The following ATP9A variants were observed in gnomAD, a reference collection of about 807,000 sequenced individuals.
ATP9A encodes the protein ATPase phospholipid transporting 9A.
In ATP9A, 52 loss-of-function variants were observed where a neutral mutation model predicts 144.1. That is an observed-to-expected ratio of 0.36 (90% CI 0.29 to 0.45). ATP9A has a LOEUF of 0.45. ATP9A is among the 20% of genes least tolerant of loss of function. The pLI, the probability that ATP9A is intolerant of heterozygous loss-of-function variation, is 1.00. For missense variants in ATP9A, 947 were observed against 1,392.7 expected, an observed-to-expected ratio of 0.68 and a Z score of 5.09; for synonymous variants, 582 against 557.4, an observed-to-expected ratio of 1.04 and a Z score of -0.62.
chr20:51,743,902 G>A (rs2077796199), intron 1 of ATP9A, among the ~76,000 whole-genome samples: 1 of 151,160 alleles, frequency 6.6e-6, no homozygotes, highest in Non-Finnish European at 1.5e-5. Context: ...AGCTACTCAG[G>A]AAGCTGAAAC....
intron 1 of ATP9A, among the ~76,000 whole-genome samples, chr20:51,741,288 T>G (rs1214533522): frequency 6.6e-6 from 1 of 152,100 alleles, no homozygotes; most frequent in Non-Finnish European, 1.5e-5. Context: ...CATTAGTAAG[T>G]GGAGCTCACA....
At chr20:51,732,599 G>A (rs1196014746) in intron 1 of ATP9A, 3 of 152,094 alleles carry the variant, frequency 2.0e-5, no homozygotes, top group Non-Finnish European at 4.4e-5. Context: ...CAGCATTCAT[G>A]GTGGAGTGTG....
In ATP9A at chr20:51,725,857, T is replaced by A. The variant is rs1241501307; in HGVS notation, c.289A>T (p.Met97Leu). 6.2e-7 allele frequency: 1 copy of A among 1,613,404 alleles called. No individual in the cohort carries two copies. The highest frequency in any genetic ancestry group is 1.3e-5 in the African/African-American group (1 of 74,890). ...TAGGTATAGAGTGCACCAAGTCTCA[T>A]TTCGGGAACAAACTGAGAGCAGGCA... is the stretch of plus-strand genomic sequence containing the variant. ...LLACSQFVPE[M>L]RLGALYTYWV... The change falls in exon 3 of 28, where the codon ATG (methionine) becomes TTG (leucine). Residue 97 changes from methionine (M) to leucine (L), a missense_variant. Physicochemically the swap from Met to Leu is conservative, Grantham distance 15 (BLOSUM62 2). Coordinates refer to ENST00000338821, the MANE Select transcript of ATP9A (RefSeq NM_006045.3).
intron 1 of ATP9A, among the ~76,000 whole-genome samples, chr20:51,754,064 A>G (rs982525153): frequency 6.6e-6 from 1 of 151,398 alleles, no homozygotes; most frequent in Non-Finnish European, 1.5e-5. Flanking sequence ...CTTATAACAT[A>G]AACTATTCAA....
intron 10 of ATP9A, 110 bp from the exon 11 acceptor site, chr20:51,674,423 G>C (rs2077468822): frequency 9.0e-7 from 1 of 1,110,492 alleles, no homozygotes; most frequent in Non-Finnish European, 1.3e-6. Context: ...CACTAACTCA[G>C]CCTGCCGGAG....
intron 1 of ATP9A, among the ~76,000 whole-genome samples, chr20:51,740,350 GC>G (rs2077779553): frequency 2.0e-5 from 3 of 150,522 alleles, no homozygotes; most frequent in Non-Finnish European, 4.4e-5. Flanking sequence ...GAGCCACCAC[GC>G]CCCAGCCAAC....
intron 17 of ATP9A, among the ~76,000 whole-genome samples, chr20:51,627,306 A>ATGGATGGAAAGTG (rs2077253334): frequency 6.6e-6 from 1 of 152,012 alleles, no homozygotes; most frequent in Non-Finnish European, 1.5e-5. Context: ...GTGAAATGGT[A>ATGGATGGAAAGTG]TGATGGATGG....
At chr20:51,708,160 G>T (rs1021625764) in intron 4 of ATP9A, among the ~76,000 whole-genome samples, 1 of 152,012 alleles carries the variant, frequency 6.6e-6, no homozygotes. Context: ...TGTTGTTCGA[G>T]ATACACCTTG....
chr20:51,611,167 A>C lies in ATP9A; in HGVS notation c.2572-1002T>G, dbSNP rs538243878. ...TACCCTAGTCATTAGAAATAGCATC[A>C]GACCAGGGCTAGCTCCCCAGAGCAC... On this transcript the variant is annotated intron_variant, in intron 23 of 27. Coordinates refer to ENST00000338821, the MANE Select transcript of ATP9A (RefSeq NM_006045.3). The surrounding 1 kb of genome is among the most constrained non-coding windows in gnomAD (Gnocchi z 4.2). Among the ~76,000 whole-genome samples the C allele has an allele frequency of 6.6e-6, 1 of 152,366 alleles. No homozygotes were observed. Among genetic ancestry groups the C allele is most frequent in the African/African-American group, 2.4e-5 (1 of 41,588 alleles).
At chr20:51,762,086 C>T (rs2077883206) in intron 1 of ATP9A, among the ~76,000 whole-genome samples, 1 of 152,110 alleles carries the variant, frequency 6.6e-6, no homozygotes, top group African/African-American at 2.4e-5. Flanking sequence ...TGGGCCGGGC[C>T]AGGGTCAGTG....
intron 14 of ATP9A, among the ~76,000 whole-genome samples, chr20:51,645,248 G>A (rs2122755157): frequency 6.6e-6 from 1 of 152,230 alleles, no homozygotes; most frequent in East Asian, 1.9e-4. Context: ...GATCTGGCGA[G>A]GTGGCTCACA....
chr20:51,622,587 G>C (rs2077231294), intron 18 of ATP9A, among the ~76,000 whole-genome samples: 1 of 152,222 alleles, frequency 6.6e-6, no homozygotes, highest in Non-Finnish European at 1.5e-5. Flanking sequence ...TTTCTATGTA[G>C]TTGGATGAGC....
At chr20:51,666,424 T>C (rs552861185) in intron 13 of ATP9A, among the ~76,000 whole-genome samples, 2 of 152,270 alleles carry the variant, frequency 1.3e-5, no homozygotes, top group South Asian at 4.1e-4. Flanking sequence ...CTCACGTCTG[T>C]AATCCCAGCA....
chr20:51,659,686 A>C (rs2077403248), intron 13 of ATP9A, among the ~76,000 whole-genome samples: 1 of 152,238 alleles, frequency 6.6e-6, no homozygotes, highest in African/African-American at 2.4e-5. Flanking sequence ...AATGAGTCGC[A>C]CTTTACACCC....
intron 14 of ATP9A, among the ~76,000 whole-genome samples, chr20:51,656,090 G>A (rs959424183): frequency 6.6e-6 from 1 of 152,098 alleles, no homozygotes; most frequent in Non-Finnish European, 1.5e-5. Context: ...ATCTATAGAG[G>A]TAGAAAGTAG....
chr20:51,725,833 A>G lies in ATP9A; in HGVS notation c.313T>C (p.Tyr105His). 1.9e-6 allele frequency: 3 copies of G among 1,601,730 alleles called. No individual in the cohort carries two copies. The highest frequency in any genetic ancestry group is 1.7e-5 in the Admixed American group (1 of 59,996). The change falls in exon 3 of 28, where the codon TAC becomes CAC. Residue 105 changes from tyrosine to histidine, a missense_variant. Tyr to His is a moderately conservative substitution (Grantham distance 83). Coordinates refer to ENST00000338821, the MANE Select transcript of ATP9A (RefSeq NM_006045.3). Reference sequence around the variant, plus strand: ...GATTAACTTACCAGGGGAACCCAGTAGGTATAGAGTGCACCAAGTCTCATT... The same window carrying G: ...GATTAACTTACCAGGGGAACCCAGTGGGTATAGAGTGCACCAAGTCTCATT... ...PEMRLGALYT[Y>H]WVPLGFVLAV...
intron 1 of ATP9A, among the ~76,000 whole-genome samples, chr20:51,743,396 A>ATTTTTTTTTTTTTTTTT (rs769952209): frequency 1.1e-5 from 1 of 89,856 alleles, no homozygotes; most frequent in Non-Finnish European, 2.0e-5. Flanking sequence ...ACCGAAACTG[A>ATTTTTTTTTTTTTTTTT]TTTTTTTTTT....
intron 1 of ATP9A, among the ~76,000 whole-genome samples, chr20:51,763,458 G>GC (rs2077890584): frequency 1.3e-5 from 2 of 151,770 alleles, no homozygotes; most frequent in South Asian, 4.2e-4. Flanking sequence ...GACTACAAGT[G>GC]CCCGCCACCA....
intron 14 of ATP9A, among the ~76,000 whole-genome samples, chr20:51,653,105 G>A (rs1156595054): frequency 1.7e-4 from 19 of 110,296 alleles, no homozygotes; most frequent in South Asian, 1.1e-3. Flanking sequence ...GCAAGACTCC[G>A]TCTCAAAAAA....
Sources: allele counts gnomAD v4.1 joint callset (sites outside exome capture counted in the v4.1 genomes callset), GRCh38; gene constraint gnomAD v4.1.1; non-coding constraint Gnocchi (gnomAD v3.1); transcripts MANE v1.5; gene names NCBI Gene and HGNC (gene_info 2026-07-23, HGNC 2026-07-21).